The following SHISA6 variants were observed in gnomAD, a reference collection of about 807,000 sequenced individuals.
The protein encoded by SHISA6 is protein shisa-6.
A neutral mutation model predicts 47.9 loss-of-function variants in SHISA6; 22 were observed. The observed-to-expected ratio is 0.46, with a 90% CI of 0.33 to 0.66. The LOEUF (loss-of-function observed/expected upper bound fraction) is 0.66, where lower values mean the gene tolerates loss of function less well. SHISA6 is among the 30% of genes least tolerant of loss of function. SHISA6 has a pLI of 0.02. For missense variants in SHISA6, 680 were observed against 764.6 expected, an observed-to-expected ratio of 0.89 and a Z score of 1.30; for synonymous variants, 388 against 337.8, an observed-to-expected ratio of 1.15 and a Z score of -1.63.
chr17:11,532,497 G>GCGCGCA (rs59818170), intron 3 of SHISA6, among the ~76,000 whole-genome samples: 1 of 151,114 alleles, frequency 6.6e-6, no homozygotes. Flanking sequence ...GTGTGTGTGT[G>GCGCGCA]CGCGCACGCG....
intron 3 of SHISA6, among the ~76,000 whole-genome samples, chr17:11,413,385 T>C (rs768608713): frequency 4.6e-5 from 7 of 152,196 alleles, no homozygotes; most frequent in Admixed American, 1.3e-4. Context: ...GCTCCAGTTA[T>C]GACATTCAAG....
intron 2 of SHISA6, among the ~76,000 whole-genome samples, chr17:11,370,551 G>A (rs1032511360): frequency 1.3e-5 from 2 of 152,128 alleles, no homozygotes; most frequent in Admixed American, 6.6e-5. Flanking sequence ...ACTGCTTTCG[G>A]GAGGATCCAC....
intron 3 of SHISA6, among the ~76,000 whole-genome samples, chr17:11,420,707 A>G (rs765782403): frequency 6.6e-6 from 1 of 152,196 alleles, no homozygotes; most frequent in Non-Finnish European, 1.5e-5. Context: ...ACTGGCCCCA[A>G]GAGGAGATGA....
intron 3 of SHISA6, among the ~76,000 whole-genome samples, chr17:11,498,948 T>C (rs374855952): frequency 1.6e-4 from 24 of 152,340 alleles, no homozygotes; most frequent in South Asian, 4.1e-4. Context: ...TTTGCTACTT[T>C]ATTGTCATTA....
Position 11,479,295 on chromosome 17 carries a change from T to A in SHISA6, c.896-72601T>A, listed in dbSNP as rs554292058. ...CTATGAAGCCATAAAAAAGAATGAG[T>A]TCATGTCCTTTGTTAGGACATGGAT... is the stretch of plus-strand genomic sequence containing the variant. On this transcript the variant is annotated intron_variant, in intron 3 of 5. Coordinates refer to ENST00000441885, the MANE Select transcript of SHISA6 (RefSeq NM_207386.4). Among the ~76,000 whole-genome samples, 15 of 152,100 alleles carry A rather than the reference T, an allele frequency of 9.9e-5. No individual in the cohort carries two copies. In the East Asian group the frequency reaches 2.7e-3, roughly 27 times the overall value.
At chr17:11,519,700 G>GC (rs1207302072) in intron 3 of SHISA6, among the ~76,000 whole-genome samples, 3 of 151,848 alleles carry the variant, frequency 2.0e-5, no homozygotes, top group Non-Finnish European at 4.4e-5. Flanking sequence ...GTAAATACCT[G>GC]CCCCCCACCA....
chr17:11,308,100 A>G (rs752827054), intron 2 of SHISA6, among the ~76,000 whole-genome samples: 2 of 152,174 alleles, frequency 1.3e-5, no homozygotes, highest in South Asian at 2.1e-4. Context: ...ACCAAAATCT[A>G]TCATGGAAGG....
At chr17:11,358,540 T>A (rs1440506327) in intron 2 of SHISA6, among the ~76,000 whole-genome samples, 1 of 151,982 alleles carries the variant, frequency 6.6e-6, no homozygotes, top group Admixed American at 6.6e-5. Context: ...TTTGTATTTT[T>A]AGTAGAGACA....
In SHISA6 at chr17:11,492,136, G is replaced by A. The variant is rs116560840; in HGVS notation, c.896-59760G>A. Among the ~76,000 whole-genome samples, 1,239 of 152,212 alleles carry A rather than the reference G, an allele frequency of 8.1e-3. 29 individuals carry two copies. The highest frequency in any genetic ancestry group is 0.028 in the African/African-American group (1,169 of 41,522). On this transcript the variant is annotated intron_variant, in intron 3 of 5. Coordinates refer to ENST00000441885, the MANE Select transcript of SHISA6 (RefSeq NM_207386.4). ...GTCTTGGGTGGAATGCGGTGGGGGA[G>A]GAGTCTCCTGTTGGATCTTTATGTT...
At chr17:11,360,589 A>G (rs1258879364) in intron 2 of SHISA6, among the ~76,000 whole-genome samples, 1 of 151,466 alleles carries the variant, frequency 6.6e-6, no homozygotes, top group East Asian at 1.9e-4. Flanking sequence ...AAGAGAACAC[A>G]TGGACACAGG....
At chr17:11,526,928 T>C (rs1363267495) in intron 3 of SHISA6, among the ~76,000 whole-genome samples, 4 of 25,188 alleles carry the variant, frequency 1.6e-4, no homozygotes, top group Non-Finnish European at 2.7e-4. Context: ...TATATATATA[T>C]ATATATATTA....
At chr17:11,360,768 G>A (rs1322348393) in intron 2 of SHISA6, among the ~76,000 whole-genome samples, 1 of 148,790 alleles carries the variant, frequency 6.7e-6, no homozygotes, top group Non-Finnish European at 1.5e-5. Flanking sequence ...TTCACTTTCT[G>A]CCCATGTATC....
chr17:11,400,469 A>G (rs746332163), intron 3 of SHISA6, among the ~76,000 whole-genome samples: 3 of 152,094 alleles, frequency 2.0e-5, no homozygotes, highest in Non-Finnish European at 2.9e-5. Flanking sequence ...TTCTCCTTCA[A>G]TACATCCTTT....
intron 2 of SHISA6, among the ~76,000 whole-genome samples, chr17:11,277,264 TCTCTCTCTCTCTCTCTCACACA>T (rs1338604164): frequency 8.4e-5 from 9 of 107,472 alleles, no homozygotes; most frequent in African/African-American, 3.4e-4. Context: ...TCTCTCTCTC[TCTCTCTCTCTCTCTCTCACACA>T]CACACACACA....
chr17:11,480,530 C>T (rs1244904392), intron 3 of SHISA6, among the ~76,000 whole-genome samples: 2 of 152,274 alleles, frequency 1.3e-5, no homozygotes, highest in East Asian at 1.9e-4. Context: ...AGGTTCCCCC[C>T]TTTCTGGTAG....
intron 3 of SHISA6, among the ~76,000 whole-genome samples, chr17:11,507,447 T>G (rs575190280): frequency 1.1e-4 from 16 of 152,314 alleles, no homozygotes; most frequent in Non-Finnish European, 5.9e-5. Context: ...TCATCCTTCA[T>G]GAACCACCCA....
intron 3 of SHISA6, among the ~76,000 whole-genome samples, chr17:11,381,587 C>A (rs982290051): frequency 6.6e-6 from 1 of 152,102 alleles, no homozygotes; most frequent in Non-Finnish European, 1.5e-5. Context: ...AAAAGAGGAC[C>A]AGAGTGGAAA....
intron 3 of SHISA6, among the ~76,000 whole-genome samples, chr17:11,530,496 A>G (rs1039075739): frequency 1.3e-5 from 2 of 152,228 alleles, no homozygotes; most frequent in African/African-American, 4.8e-5. Context: ...ACAATTATAC[A>G]TGTTAACTAT....
chr17:11,486,834 G>A (rs901951409), intron 3 of SHISA6, among the ~76,000 whole-genome samples: 3 of 152,208 alleles, frequency 2.0e-5, no homozygotes, highest in East Asian at 1.9e-4. Flanking sequence ...CAGAAGGAGC[G>A]CGAAAGAAAT....
Sources: allele counts gnomAD v4.1 joint callset (sites outside exome capture counted in the v4.1 genomes callset), GRCh38; gene constraint gnomAD v4.1.1; transcripts MANE v1.5; gene names NCBI Gene and HGNC (gene_info 2026-07-23, HGNC 2026-07-21).